Variants in AGBL3 observed in about 807,000 individuals in gnomAD.
AGBL3 encodes AGBL carboxypeptidase 3, also known as cytosolic carboxypeptidase 3.
A neutral mutation model predicts 94.5 loss-of-function variants in AGBL3; 68 were observed. That is an observed-to-expected ratio of 0.72 (90% CI 0.59 to 0.88). The LOEUF is 0.88. Among genes scored for constraint, AGBL3 ranks in the 40% least tolerant of loss-of-function variants. The pLI, the probability that AGBL3 is intolerant of heterozygous loss-of-function variation, is 0.00. For missense variants in AGBL3, 934 were observed against 1,103.8 expected (o/e 0.85, Z 2.18); for synonymous variants, 354 against 370.7 (o/e 0.95, Z 0.52).
intron 12 of AGBL3, among the ~76,000 whole-genome samples, chr7:135,062,220 T>C (rs904459852): frequency 2.0e-5 from 3 of 152,222 alleles, no homozygotes; most frequent in East Asian, 3.9e-4. Context: ...ATACTTTGTA[T>C]AGAATCACTA....
chr7:134,988,885 G>A (rs1424890866), intron 2 of AGBL3, among the ~76,000 whole-genome samples: 14 of 152,082 alleles, frequency 9.2e-5, no homozygotes, highest in Non-Finnish European at 1.5e-4. Context: ...TGATCCACCC[G>A]CCTTGGCCTC....
At chr7:135,072,050 T>G (rs1819963575) in intron 12 of AGBL3, among the ~76,000 whole-genome samples, 1 of 151,746 alleles carries the variant, frequency 6.6e-6, no homozygotes, top group Non-Finnish European at 1.5e-5. Context: ...TACAATGAAC[T>G]CAAACAAATT....
chr7:135,023,241 T>G (rs1352413495), intron 5 of AGBL3, among the ~76,000 whole-genome samples: 2 of 152,086 alleles, frequency 1.3e-5, no homozygotes, highest in East Asian at 3.8e-4. Flanking sequence ...CCACTCCCAC[T>G]GAGAGAGACC....
At chr7:135,070,670 C>T (rs965629554) in intron 12 of AGBL3, among the ~76,000 whole-genome samples, 21 of 152,126 alleles carry the variant, frequency 1.4e-4, no homozygotes, top group Middle Eastern at 3.4e-3. Flanking sequence ...TGACAAAATT[C>T]GACAATGCTT....
chr7:135,042,503 C>T (rs1584924395), intron 8 of AGBL3, among the ~76,000 whole-genome samples: 1 of 151,926 alleles, frequency 6.6e-6, no homozygotes, highest in Admixed American at 6.6e-5. Context: ...TCAATGGTTG[C>T]CAGGGGTTAG....
intron 12 of AGBL3, among the ~76,000 whole-genome samples, chr7:135,061,077 A>G (rs1341720009): frequency 1.4e-5 from 2 of 146,254 alleles, no homozygotes; most frequent in African/African-American, 4.9e-5. Context: ...TTTTTTTATA[A>G]CAGCCACTCT....
chr7:135,134,984 G>A lies in AGBL3; in HGVS notation c.2486G>A (p.Ser829Asn). 2 of 1,551,170 alleles carry A rather than the reference G, an allele frequency of 1.3e-6. No homozygotes were observed. Among genetic ancestry groups the A allele is most frequent in the Non-Finnish European group, 1.7e-6 (2 of 1,146,652 alleles). ...VQSKPHRSLE[S>N]LSPLKGPKKN... ...TCTAAGCCCCACAGGTCATTGGAAA[G>A]TTTATCACCTCTCAAAGGCCCCAAG... Residue 829 changes from serine (S) to asparagine (N), a missense_variant, in exon 17 of 17, where the codon AGT becomes AAT. Physicochemically the swap from Ser to Asn is conservative, Grantham distance 46 (BLOSUM62 1). Transcript: ENST00000436302.
intron 4 of AGBL3, among the ~76,000 whole-genome samples, chr7:135,014,228 C>A (rs978950513): frequency 8.8e-5 from 11 of 124,944 alleles, no homozygotes; most frequent in African/African-American, 3.1e-4. Context: ...AAAAAAAAAA[C>A]CCGAAATGTT....
chr7:135,027,880 C>G (rs1465515181), intron 5 of AGBL3, among the ~76,000 whole-genome samples: 1 of 151,548 alleles, frequency 6.6e-6, no homozygotes, highest in Non-Finnish European at 1.5e-5. Flanking sequence ...AAAAAGAATT[C>G]AGCCATAATT....
At chr7:135,100,847 T>G (rs1051471444) in intron 15 of AGBL3, among the ~76,000 whole-genome samples, 4 of 152,228 alleles carry the variant, frequency 2.6e-5, no homozygotes, top group Non-Finnish European at 5.9e-5. Context: ...CCTTACTAGT[T>G]ATGTGATCTT....
intron 12 of AGBL3, among the ~76,000 whole-genome samples, chr7:135,071,732 T>C (rs1464528846): frequency 6.6e-6 from 1 of 152,136 alleles, no homozygotes; most frequent in Non-Finnish European, 1.5e-5. Flanking sequence ...AAACTGAATC[T>C]CTTCCTTACA....
chr7:135,091,033 G>A (rs1236925848), intron 15 of AGBL3, among the ~76,000 whole-genome samples: 3 of 152,140 alleles, frequency 2.0e-5, no homozygotes, highest in African/African-American at 7.2e-5. Context: ...AAGGAATGCA[G>A]GGACCTCAGT....
intron 7 of AGBL3, 36 bp from the exon 8 acceptor site, chr7:135,037,382 A>T (rs939337181): frequency 6.7e-7 from 1 of 1,501,032 alleles, no homozygotes; most frequent in African/African-American, 1.4e-5. Context: ...AAAAATGCAG[A>T]GATAAAAGTT....
At chr7:135,047,072 C>T (rs889875877) in intron 11 of AGBL3, among the ~76,000 whole-genome samples, 1 of 152,014 alleles carries the variant, frequency 6.6e-6, no homozygotes, top group Non-Finnish European at 1.5e-5. Context: ...CATTCCCCTA[C>T]CACCCTCTAG....
chr7:135,111,030 A>T (rs931490640), intron 15 of AGBL3, among the ~76,000 whole-genome samples: 1 of 152,066 alleles, frequency 6.6e-6, no homozygotes, highest in Non-Finnish European at 1.5e-5. Context: ...ACTATTCTAA[A>T]CTTTTTCCTC....
intron 5 of AGBL3, among the ~76,000 whole-genome samples, chr7:135,030,102 G>A (rs975028572): frequency 2.0e-5 from 3 of 148,870 alleles, no homozygotes; most frequent in East Asian, 2.0e-4. Context: ...CACAAAGTGA[G>A]CACATGTTGG....
At chr7:135,054,614 A>G (rs1818173205) in intron 11 of AGBL3, among the ~76,000 whole-genome samples, 1 of 152,218 alleles carries the variant, frequency 6.6e-6, no homozygotes, top group South Asian at 2.1e-4. Context: ...ATTGTGGTAA[A>G]TATAATAAAC....
Position 135,037,534 on chromosome 7 carries a change from A to G in AGBL3, c.1454A>G (p.Gln485Arg). ...GACAGATCTAAGACATTATACTTAC[A>G]GCAACGAATCTTCCCACTTATGCTA... The part of the protein sequence containing the change: ...GSDRSKTLYL[Q>R]QRIFPLMLSK... The change falls in exon 8 of 17, where the codon CAG becomes CGG. Residue 485 changes from glutamine to arginine, a missense_variant. Physicochemically the swap from Gln to Arg is conservative, Grantham distance 43. Coordinates refer to ENST00000436302, the MANE Select transcript of AGBL3 (RefSeq NM_178563.4). The G allele has an allele frequency of 6.5e-7, 1 of 1,545,592 alleles. No individual in the cohort carries two copies. The highest frequency in any genetic ancestry group is 8.7e-7 in the Non-Finnish European group (1 of 1,144,220).
At chr7:135,127,550 TAAAA>T (rs34308951) in intron 16 of AGBL3, among the ~76,000 whole-genome samples, 1 of 146,378 alleles carries the variant, frequency 6.8e-6, no homozygotes, top group Non-Finnish European at 1.5e-5. Context: ...AGTCTCCGTC[TAAAA>T]AAAAAAAAAA....
Sources: allele counts gnomAD v4.1 joint callset (sites outside exome capture counted in the v4.1 genomes callset), GRCh38; gene constraint gnomAD v4.1.1; transcripts MANE v1.5; gene names NCBI Gene and HGNC (gene_info 2026-07-23, HGNC 2026-07-21).